STARD9: variants seen among roughly 807,000 people sequenced by gnomAD.
STARD9 encodes the protein StAR related lipid transfer domain containing 9, also known as stAR-related lipid transfer protein 9.
STARD9 carries 346 observed loss-of-function variants against 399.8 expected under a neutral mutation model. That is an observed-to-expected ratio of 0.87 (90% CI 0.79 to 0.95). The LOEUF is 0.95. Ranked by LOEUF, STARD9 falls within the 40% of genes least tolerant of loss-of-function variation. STARD9 has a pLI of 0.00. For missense variants in STARD9, 5,832 were observed against 5,667.5 expected (o/e 1.03, Z -0.93); for synonymous variants, 2,203 against 2,143.5 (o/e 1.03, Z -0.77).
chr15:42,624,040 C>G (rs2059146437), intron 3 of STARD9, among the ~76,000 whole-genome samples: 1 of 152,310 alleles, frequency 6.6e-6, no homozygotes, highest in Non-Finnish European at 1.5e-5. Flanking sequence ...ATTGAAGGAA[C>G]AGCCCAGAAT....
rs774122050 is a variant in STARD9, at chr15:42,692,142, A to G, written c.10564A>G (p.Asn3522Asp). The G allele has an allele frequency of 1.3e-6, 2 of 1,536,972 alleles. No homozygotes were observed. Among genetic ancestry groups the G allele is most frequent in the South Asian group, 2.4e-5 (2 of 84,052 alleles). Residue 3522 changes from asparagine to aspartate, a missense_variant, in exon 23 of 33, where the codon AAC becomes GAC. Around this residue, in one of 2 missense-constraint regions of STARD9, gnomAD observed 5,828 missense variants for 5,651.1 expected, o/e 1.03. Coordinates refer to ENST00000290607, the MANE Select transcript of STARD9 (RefSeq NM_020759.3). ...CATGGACAATGGCCTAGAAGACCAG[A>G]ACTCCCCTTTCCACTCCCACCTCAG... Reference protein sequence around the residue: ...SSMDNGLEDQNSPFHSHLSTY... With the variant: ...SSMDNGLEDQDSPFHSHLSTY...
At chr15:42,678,561 G>A (rs2060359030) in intron 20 of STARD9, among the ~76,000 whole-genome samples, 1 of 152,218 alleles carries the variant, frequency 6.6e-6, no homozygotes, top group African/African-American at 2.4e-5. Flanking sequence ...CACTGTTGCT[G>A]CTTCCGCTGC....
intron 26 of STARD9, among the ~76,000 whole-genome samples, chr15:42,708,819 A>G (rs745796005): frequency 2.0e-4 from 30 of 151,922 alleles, no homozygotes; most frequent in Non-Finnish European, 8.8e-5. Flanking sequence ...TTATGGTTGG[A>G]TTGAAGTTAT....
rs2060163158 is a variant in STARD9, at chr15:42,669,346, G to C, written c.1497+9G>C. On this transcript the variant is annotated intron_variant, in intron 16 of 32. Transcript: ENST00000290607. ...TGCTCTATCATCTCAAGGTGAGGAGGCTAGTGTATCCTTTTCTTCCTAAGC... is the reference window on the plus strand; with the variant it reads ...TGCTCTATCATCTCAAGGTGAGGAGCCTAGTGTATCCTTTTCTTCCTAAGC... 6.6e-7 allele frequency: 1 copy of C among 1,505,484 alleles called. No homozygotes were observed. Among genetic ancestry groups the C allele is most frequent in the Non-Finnish European group, 8.9e-7 (1 of 1,121,582 alleles). 93.3% of individuals were successfully genotyped at this position (1,505,484 alleles called of 1,614,324 possible). A position where few individuals can be genotyped will look rare whatever the true frequency, so the allele number is the denominator to read the frequency against.
intron 20 of STARD9, among the ~76,000 whole-genome samples, chr15:42,680,087 C>G (rs1268953334): frequency 1.3e-5 from 2 of 152,308 alleles, no homozygotes; most frequent in South Asian, 2.1e-4. Context: ...CCCAGCCACT[C>G]CCATTCTGTG....
chr15:42,718,552 T>G, intron 31 of STARD9, 38 bp downstream of exon 31: 2 of 1,525,924 alleles, frequency 1.3e-6, no homozygotes, highest in South Asian at 1.2e-5. Context: ...TGGGAAGAAC[T>G]TGGGCTGAAG....
At chr15:42,606,816 CTTTCTTCTGA>C (rs2058733642) in intron 3 of STARD9, among the ~76,000 whole-genome samples, 1 of 151,998 alleles carries the variant, frequency 6.6e-6, no homozygotes, top group African/African-American at 2.4e-5. Flanking sequence ...AGTCAGGGTG[CTTTCTTCTGA>C]ATCCCCTGAG....
At chr15:42,627,131 A>T (rs2059242482) in intron 3 of STARD9, among the ~76,000 whole-genome samples, 1 of 152,088 alleles carries the variant, frequency 6.6e-6, no homozygotes, top group South Asian at 2.1e-4. Context: ...CTCCATCTCT[A>T]CAAAAAATAC....
chr15:42,661,607 G>GCTTTCTTT (rs35259107), intron 10 of STARD9, among the ~76,000 whole-genome samples: 6 of 151,664 alleles, frequency 4.0e-5, no homozygotes, highest in South Asian at 2.1e-4. Context: ...ACCACATCTG[G>GCTTTCTTT]CTTTCTTTCT....
At chr15:42,716,832 A>G in intron 27 of STARD9, 68 bp downstream of exon 27, 1 of 1,521,914 alleles carries the variant, frequency 6.6e-7, no homozygotes. Flanking sequence ...GATGGCTGCT[A>G]GATCTTAGTG....
chr15:42,613,737 G>C (rs796298173), intron 3 of STARD9, among the ~76,000 whole-genome samples: 2 of 152,236 alleles, frequency 1.3e-5, no homozygotes, highest in African/African-American at 4.8e-5. Context: ...GGTTGAGGCG[G>C]GTGGATCATC....
rs1053394663 is a variant in STARD9, at chr15:42,717,088, C to T, written c.13494+40C>T. 5 of 1,535,350 alleles carry T rather than the reference C, an allele frequency of 3.3e-6. No individual in the cohort carries two copies. The South Asian group carries it at 6.0e-5, about 18-fold the overall frequency. ...CCACCCATCCCTACCATTCCTTTACCCAGACCTCTGCTGGGTGTGCAGGAA... is the reference window on the plus strand; with the variant it reads ...CCACCCATCCCTACCATTCCTTTACTCAGACCTCTGCTGGGTGTGCAGGAA... On this transcript the variant is annotated intron_variant, in intron 28 of 32. Transcript: ENST00000290607.
intron 26 of STARD9, among the ~76,000 whole-genome samples, chr15:42,704,316 T>G (rs1475076344): frequency 6.6e-6 from 1 of 152,210 alleles, no homozygotes; most frequent in Non-Finnish European, 1.5e-5. Context: ...TATTTTGAAT[T>G]CCCTGTCTTA....
Position 42,674,965 on chromosome 15 carries a change from G to A in STARD9, c.1687+1G>A. The A allele has an allele frequency of 6.5e-7, 1 of 1,530,792 alleles. No individual in the cohort carries two copies. The highest frequency in any genetic ancestry group is 8.7e-7 in the Non-Finnish European group (1 of 1,144,126). 94.8% of individuals were successfully genotyped at this position (1,530,792 alleles called of 1,614,324 possible). A position where few individuals can be genotyped will look rare whatever the true frequency, so the allele number is the denominator to read the frequency against. On this transcript the variant is annotated splice_donor_variant, in intron 18 of 32. Coordinates refer to ENST00000290607, the MANE Select transcript of STARD9 (RefSeq NM_020759.3). LOFTEE classifies it high-confidence loss of function. ...ACTGCCTCCTGCCGTCTGACTCAAG[G>A]TAGGACTGTCTGTAGCCCTGTTTAT... is the stretch of plus-strand genomic sequence containing the variant.
chr15:42,691,215 G>C lies in STARD9; in HGVS notation c.9637G>C (p.Glu3213Gln). The change falls in exon 23 of 33, where the codon GAG becomes CAG. Residue 3213 changes from glutamate (E) to glutamine (Q), a missense_variant. Glu to Gln is a conservative substitution (Grantham distance 29). This residue lies in a region of STARD9 where 5,828 missense variants were observed against 5,651.1 expected (regional missense o/e 1.03). Transcript: ENST00000290607. ...GGAAGACAGTCCCTGGCAGGAAGAA[G>C]AGCAGCACAGAGACCAGGCTTCAGG... ...PQEDSPWQEE[E>Q]QHRDQASGGG... The C allele has an allele frequency of 6.5e-7, 1 of 1,537,286 alleles. No homozygotes were observed.
At position 42,688,022 on chromosome 15, in the gene STARD9, C is replaced by A. The variant is rs1476405701; in HGVS notation, c.6444C>A (p.Thr2148=). The change falls in exon 23 of 33, where the codon ACC becomes ACA. Residue 2148 remains threonine (T), a synonymous_variant. Transcript: ENST00000290607. ...IGNHPQVQKI[T]PNPFRSREGV... is the part of the protein sequence containing the mutation. Reference sequence around the variant, plus strand: ...ACCATCCCCAGGTCCAGAAAATCACCCCAAACCCCTTCAGGTCAAGGGAAG... The same window carrying A: ...ACCATCCCCAGGTCCAGAAAATCACACCAAACCCCTTCAGGTCAAGGGAAG... 3 of 1,537,376 alleles carry A rather than the reference C, an allele frequency of 2.0e-6. No individual in the cohort carries two copies. The East Asian group carries it at 7.3e-5, about 38-fold the overall frequency.
rs537460742 is a variant in STARD9 at position 42,719,875 on chromosome 15, C to T, written c.*301C>T. ...TTTCTTTCCTGTTTCTGGGACTCTG[C>T]GGCAGACAGGACACTTAAGGACCAG... On this transcript the variant is annotated 3_prime_UTR_variant, in exon 33 of 33. Transcript: ENST00000290607. 4.9e-5 allele frequency: 14 copies of T among 284,474 alleles called. No homozygotes were observed. Among genetic ancestry groups the T allele is most frequent in the East Asian group, 7.8e-5 (1 of 12,790 alleles). The allele number at this position is 284,474 out of a possible 1,614,324, so 17.6% of individuals were successfully genotyped here. A position where few individuals can be genotyped will look rare whatever the true frequency, so the allele number is the denominator to read the frequency against.
At chr15:42,634,002 G>C (rs969325134) in intron 3 of STARD9, among the ~76,000 whole-genome samples, 4 of 152,044 alleles carry the variant, frequency 2.6e-5, no homozygotes, top group Non-Finnish European at 4.4e-5. Flanking sequence ...TATCTGGCCT[G>C]TTTGGCTTCT....
At chr15:42,625,003 T>C (rs1436305835) in intron 3 of STARD9, among the ~76,000 whole-genome samples, 1 of 152,178 alleles carries the variant, frequency 6.6e-6, no homozygotes, top group Admixed American at 6.5e-5. Context: ...TTAAAATTCA[T>C]TTAAACAGAA....
Sources: gnomAD v4.1 joint callset for allele counts (sites outside exome capture counted in the v4.1 genomes callset) on GRCh38, gnomAD v4.1.1 for gene constraint, gnomAD v4.1.1 regional missense constraint, MANE v1.5 for transcripts, NCBI Gene and HGNC (gene_info 2026-07-23, HGNC 2026-07-21) for gene names.